The following ARB2A variants were observed in gnomAD, a reference collection of about 807,000 sequenced individuals.
ARB2A encodes the protein cotranscriptional regulator ARB2A.
the ARB2A span, among the ~76,000 whole-genome samples, chr5:93,993,791 CAA>C: frequency 4.0e-5 from 6 of 150,656 alleles, no homozygotes; most frequent in African/African-American, 9.7e-5. Flanking sequence ...GTAATAATCA[CAA>C]GAGACAATAT....
the ARB2A span, among the ~76,000 whole-genome samples, chr5:94,080,312 A>G: frequency 6.6e-5 from 10 of 152,194 alleles, no homozygotes; most frequent in Non-Finnish European, 1.2e-4. Context: ...ATAAATGTAC[A>G]TAACTCCAGG....
At chr5:93,709,412 A>T in the ARB2A span, among the ~76,000 whole-genome samples, 1 of 152,150 alleles carries the variant, frequency 6.6e-6, no homozygotes, top group East Asian at 1.9e-4. Flanking sequence ...AGGAGGGTGG[A>T]TCACGAGGTC....
chr5:93,637,228 T>A, the ARB2A span, among the ~76,000 whole-genome samples: 1 of 152,362 alleles, frequency 6.6e-6, no homozygotes, highest in African/African-American at 2.4e-5. Flanking sequence ...CTCTGAAGAT[T>A]TATCTAGGTT....
At chr5:93,888,698 A>G in the ARB2A span, among the ~76,000 whole-genome samples, 6 of 151,880 alleles carry the variant, frequency 4.0e-5, no homozygotes, top group Non-Finnish European at 8.8e-5. Flanking sequence ...GCTAATCATA[A>G]AAGCTGTTTA....
chr5:93,832,108 G>A, the ARB2A span, among the ~76,000 whole-genome samples: 7 of 152,108 alleles, frequency 4.6e-5, no homozygotes, highest in Non-Finnish European at 8.8e-5. Context: ...TGCTAGCAGG[G>A]CAGCACCAGA....
the ARB2A span, among the ~76,000 whole-genome samples, chr5:93,955,133 G>T: frequency 0.1 from 15,866 of 152,148 alleles, 954 homozygotes; most frequent in Middle Eastern, 0.16. Context: ...ACTGCTCACC[G>T]GATTTTCGGT....
the ARB2A span, among the ~76,000 whole-genome samples, chr5:93,680,824 C>T: frequency 6.6e-6 from 1 of 152,128 alleles, no homozygotes; most frequent in South Asian, 2.1e-4. Flanking sequence ...AAGACAGGGT[C>T]TGGACTAAAT....
chr5:93,992,551 T>C, the ARB2A span, among the ~76,000 whole-genome samples: 1 of 152,084 alleles, frequency 6.6e-6, no homozygotes, highest in African/African-American at 2.4e-5. Context: ...ATCTTTCTTA[T>C]GAGTAACATG....
the ARB2A span, among the ~76,000 whole-genome samples, chr5:93,640,552 A>AGG: frequency 4.7e-5 from 7 of 148,858 alleles, no homozygotes; most frequent in African/African-American, 1.3e-4. Context: ...CTTTTCCTAT[A>AGG]GGGGTGTGTG....
the ARB2A span, among the ~76,000 whole-genome samples, chr5:94,009,785 T>C: frequency 2.0e-5 from 3 of 152,068 alleles, no homozygotes; most frequent in African/African-American, 7.2e-5. Context: ...TCAAGTTGTT[T>C]GTCCATTATA....
At chr5:93,872,597 C>G in the ARB2A span, among the ~76,000 whole-genome samples, 1 of 152,092 alleles carries the variant, frequency 6.6e-6, no homozygotes, top group Non-Finnish European at 1.5e-5. Flanking sequence ...TTTACCAAAT[C>G]CAAAGAAGGC....
chr5:93,856,277 G>A, the ARB2A span, among the ~76,000 whole-genome samples: 17 of 152,012 alleles, frequency 1.1e-4, no homozygotes, highest in Admixed American at 1.3e-4. Flanking sequence ...TGCTCTTCTC[G>A]AGGAGTATCT....
chr5:93,995,404 T>A, the ARB2A span, among the ~76,000 whole-genome samples: 26 of 152,340 alleles, frequency 1.7e-4, 1 homozygote, highest in South Asian at 5.4e-3. Context: ...CAATTAGTGA[T>A]GCTGAAAGTG....
At chr5:93,631,040 G>A in the ARB2A span, among the ~76,000 whole-genome samples, 1 of 152,012 alleles carries the variant, frequency 6.6e-6, no homozygotes. Context: ...CTACAGGCGT[G>A]CACCTGGCTA....
chr5:94,001,926 A>C, the ARB2A span, among the ~76,000 whole-genome samples: 1 of 152,118 alleles, frequency 6.6e-6, no homozygotes, highest in Non-Finnish European at 1.5e-5. Flanking sequence ...GGCCTTGAGT[A>C]ACATGATGGC....
chr5:94,060,921 C>CA, the ARB2A span, among the ~76,000 whole-genome samples: 5 of 152,076 alleles, frequency 3.3e-5, no homozygotes, highest in African/African-American at 1.2e-4. Flanking sequence ...TCAACTGATG[C>CA]AAAAAATAAA....
the ARB2A span, among the ~76,000 whole-genome samples, chr5:93,730,656 A>G: frequency 1.3e-5 from 2 of 152,196 alleles, no homozygotes; most frequent in Non-Finnish European, 2.9e-5. Flanking sequence ...ATTAAAGGCA[A>G]GTCACCTGAC....
chr5:93,671,636 C>T, the ARB2A span, among the ~76,000 whole-genome samples: 2 of 151,968 alleles, frequency 1.3e-5, no homozygotes, highest in Non-Finnish European at 2.9e-5. Flanking sequence ...AATTTTTGGA[C>T]ATTTAATACT....
At chr5:93,873,363 AGGAAAGGAAAGGAAAGGAAAGGAAGG>A in the ARB2A span, among the ~76,000 whole-genome samples, 219 of 10,122 alleles carry the variant, frequency 0.022, 37 homozygotes, top group African/African-American at 0.053. Flanking sequence ...AGGAAAGGAA[AGGAAAGGAAAGGAAAGGAAAGGAAGG>A]GGAAGGGGAA....
Sources: allele counts gnomAD v4.1 joint callset (sites outside exome capture counted in the v4.1 genomes callset), GRCh38; gene constraint gnomAD v4.1.1; transcripts MANE v1.5; gene names NCBI Gene and HGNC (gene_info 2026-07-23, HGNC 2026-07-21).